CTNND2: variants seen among roughly 807,000 people sequenced by gnomAD.
CTNND2 encodes catenin delta 2.
In CTNND2, 22 loss-of-function variants were observed where a neutral mutation model predicts 144.4. That is an observed-to-expected ratio of 0.15 (90% CI 0.11 to 0.22). The LOEUF is 0.22. CTNND2 is among the 10% of genes least tolerant of loss of function. The probability of loss-of-function intolerance (pLI) is 1.00; values close to 1 mark genes in which losing one functional copy is unlikely to be tolerated. For missense variants in CTNND2, 1,353 were observed against 1,618.8 expected, an observed-to-expected ratio of 0.84 and a Z score of 2.82; for synonymous variants, 751 against 695.6, an observed-to-expected ratio of 1.08 and a Z score of -1.25.
At chr5:11,880,557 A>C (rs900864062) in intron 1 of CTNND2, among the ~76,000 whole-genome samples, 1 of 90,852 alleles carries the variant, frequency 1.1e-5, no homozygotes, top group African/African-American at 3.8e-5. Flanking sequence ...TACCACTACT[A>C]CTGCTACTAG....
intron 2 of CTNND2, among the ~76,000 whole-genome samples, chr5:11,714,927 A>G (rs1403752261): frequency 1.3e-5 from 2 of 151,780 alleles, no homozygotes; most frequent in Non-Finnish European, 2.9e-5. Flanking sequence ...AAAAAAAAAG[A>G]AAGAAAGAAA....
chr5:11,646,598 G>T (rs1334242247), intron 2 of CTNND2, among the ~76,000 whole-genome samples: 1 of 151,626 alleles, frequency 6.6e-6, no homozygotes, highest in African/African-American at 2.4e-5. Flanking sequence ...TACCAATGAT[G>T]CATGGAAAAG....
At chr5:11,045,312 G>C (rs1745118895) in intron 16 of CTNND2, among the ~76,000 whole-genome samples, 1 of 152,176 alleles carries the variant, frequency 6.6e-6, no homozygotes, top group African/African-American at 2.4e-5. Flanking sequence ...ACCCACAGCA[G>C]AAGGTGAAGG....
intron 7 of CTNND2, among the ~76,000 whole-genome samples, chr5:11,374,991 C>T (rs2149786538): frequency 6.6e-6 from 1 of 152,108 alleles, no homozygotes; most frequent in South Asian, 2.1e-4. Flanking sequence ...TAAGGCTTAA[C>T]AAGCAAGAAT....
chr5:11,238,301 C>T lies in CTNND2; in HGVS notation c.1629-1478G>A, dbSNP rs26473. Among the ~76,000 whole-genome samples, 242 of 152,180 alleles carry T rather than the reference C, an allele frequency of 1.6e-3. 3 individuals are homozygous for T. The highest frequency in any genetic ancestry group is 5.3e-3 in the African/African-American group (219 of 41,516). ...AAGCCACCAAAGGGCACTATTTATCCAAAGAACAGGCTGGAAGAGAAATGA... is the reference window on the plus strand; with the variant it reads ...AAGCCACCAAAGGGCACTATTTATCTAAAGAACAGGCTGGAAGAGAAATGA... On this transcript the variant is annotated intron_variant, in intron 9 of 21. Transcript: ENST00000304623.
In CTNND2 at chr5:11,098,534, A is replaced by G. The variant is rs202045423; in HGVS notation, c.2637+41T>C. On this transcript the variant is annotated intron_variant, in intron 15 of 21. Coordinates refer to ENST00000304623, the MANE Select transcript of CTNND2 (RefSeq NM_001332.4). ...TATATTGTTTTCTGAGGAGTTGCTC[A>G]TAACTCCAGATTTCTTTTTATTGTA... 3,266 of 1,554,132 alleles carry G rather than the reference A, an allele frequency of 2.1e-3. 43 individuals are homozygous for G. The highest frequency in any genetic ancestry group is 1.5e-3 in the African/African-American group (107 of 73,156).
Position 11,605,601 on chromosome 5 carries a change from A to G in CTNND2, c.175-40545T>C, listed in dbSNP as rs886991729. 9.2e-5 allele frequency among the ~76,000 whole-genome samples: 14 copies of G among 152,310 alleles called. 1 individual carries two copies. The South Asian group carries it at 1.9e-3, about 20-fold the overall frequency. On this transcript the variant is annotated intron_variant, in intron 2 of 21. Coordinates refer to ENST00000304623, the MANE Select transcript of CTNND2 (RefSeq NM_001332.4). ...AAAGATCCACTTAATGTATTATGCT[A>G]TATTTAATGTGACCCTATCTAGAAT... is the stretch of plus-strand genomic sequence containing the variant.
At chr5:11,895,838 C>A (rs7719662) in intron 1 of CTNND2, among the ~76,000 whole-genome samples, 147,393 of 152,234 alleles carry the variant, frequency 0.97, 71,540 homozygotes, top group East Asian at 1. Context: ...TAGACACCAA[C>A]AAATTAGAAA....
chr5:11,899,052 A>T (rs1342264745), intron 1 of CTNND2, among the ~76,000 whole-genome samples: 1 of 152,176 alleles, frequency 6.6e-6, no homozygotes, highest in Non-Finnish European at 1.5e-5. Flanking sequence ...ACAAAGCAAA[A>T]ATGACCATCT....
chr5:11,437,354 G>T (rs1254621846), intron 3 of CTNND2, among the ~76,000 whole-genome samples: 1 of 152,170 alleles, frequency 6.6e-6, no homozygotes, highest in Non-Finnish European at 1.5e-5. Context: ...TGCCTAATCT[G>T]TGCCCACCAC....
At chr5:11,102,284 A>T (rs1330260450) in intron 14 of CTNND2, among the ~76,000 whole-genome samples, 3 of 152,236 alleles carry the variant, frequency 2.0e-5, no homozygotes, top group African/African-American at 4.8e-5. Flanking sequence ...ACAGGAAAAC[A>T]GACCAAAGGA....
chr5:11,755,760 A>G (rs1011776109), intron 1 of CTNND2, among the ~76,000 whole-genome samples: 1 of 151,022 alleles, frequency 6.6e-6, no homozygotes, highest in Non-Finnish European at 1.5e-5. Context: ...AAATTCTTGA[A>G]GTGAGCTTTT....
intron 9 of CTNND2, among the ~76,000 whole-genome samples, chr5:11,305,467 G>T (rs1353769262): frequency 1.3e-5 from 2 of 152,176 alleles, no homozygotes; most frequent in Non-Finnish European, 2.9e-5. Context: ...TCCCCAGGCA[G>T]CAATTCCATG....
chr5:11,903,275 T>C lies in CTNND2; in HGVS notation c.37+542A>G. On this transcript the variant is annotated intron_variant, in intron 1 of 21. Transcript: ENST00000304623. The surrounding 1 kb of genome is among the most constrained non-coding windows in gnomAD (Gnocchi z 5.4). ...CTGCAAAGGCTTGCTGGGAAGCCGCTAAATATAGACCAAGGGGGCTCAGGG... is the reference window on the plus strand; with the variant it reads ...CTGCAAAGGCTTGCTGGGAAGCCGCCAAATATAGACCAAGGGGGCTCAGGG... 1.0e-6 allele frequency: 1 copy of C among 985,446 alleles called. No homozygotes were observed. 61.0% of individuals were successfully genotyped at this position (985,446 alleles called of 1,614,324 possible).
intron 1 of CTNND2, among the ~76,000 whole-genome samples, chr5:11,851,541 T>G (rs1389310197): frequency 6.6e-6 from 1 of 152,248 alleles, no homozygotes; most frequent in African/African-American, 2.4e-5. Flanking sequence ...GCTGGCTTTA[T>G]GCAGCTTTGT....
intron 9 of CTNND2, among the ~76,000 whole-genome samples, chr5:11,255,906 C>T (rs979311199): frequency 2.0e-5 from 3 of 152,164 alleles, no homozygotes; most frequent in Non-Finnish European, 2.9e-5. Flanking sequence ...TCCATTTTAT[C>T]CTGCACAACT....
At chr5:11,670,094 A>C (rs1783803007) in intron 2 of CTNND2, among the ~76,000 whole-genome samples, 1 of 152,122 alleles carries the variant, frequency 6.6e-6, no homozygotes, top group South Asian at 2.1e-4. Context: ...TTCTAATTTG[A>C]TTGCACTGCG....
intron 9 of CTNND2, among the ~76,000 whole-genome samples, chr5:11,327,611 T>C (rs74788516): frequency 0.014 from 2,121 of 152,304 alleles, 41 homozygotes; most frequent in African/African-American, 0.038. Flanking sequence ...GGGGCCTTAT[T>C]ATGCCACTGA....
chr5:11,071,560 T>G (rs1263431271), intron 16 of CTNND2, among the ~76,000 whole-genome samples: 1 of 139,352 alleles, frequency 7.2e-6, no homozygotes, highest in Non-Finnish European at 1.6e-5. Context: ...CAAAAATTTT[T>G]TTTTCAAAAA....
Sources: allele counts gnomAD v4.1 joint callset (sites outside exome capture counted in the v4.1 genomes callset), GRCh38; gene constraint gnomAD v4.1.1; non-coding constraint Gnocchi (gnomAD v3.1); transcripts MANE v1.5; gene names NCBI Gene and HGNC (gene_info 2026-07-23, HGNC 2026-07-21).